The following MYO6 variants were observed in gnomAD, a reference collection of about 807,000 sequenced individuals.
MYO6 encodes the protein unconventional myosin-VI.
A neutral mutation model predicts 178.7 loss-of-function variants in MYO6; 74 were observed. The observed-to-expected ratio is 0.41, with a 90% CI of 0.34 to 0.50. The LOEUF (loss-of-function observed/expected upper bound fraction) is 0.50, where lower values mean the gene tolerates loss of function less well. MYO6 is among the 20% of genes least tolerant of loss of function. MYO6 has a pLI of 0.09. For missense variants in MYO6, 1,330 were observed against 1,547.4 expected (o/e 0.86, Z 2.36); for synonymous variants, 477 against 504.6 (o/e 0.95, Z 0.73).
chr6:75,918,416 T>C lies in MYO6; in HGVS notation c.*3404T>C, dbSNP rs1582033958. On this transcript the variant is annotated 3_prime_UTR_variant, in exon 35 of 35. Transcript: ENST00000369977. ...CCAGTTTGGAAACACTGATACATTTTAGGACACAGAGCACTCCTAGATCTC... is the reference window on the plus strand; with the variant it reads ...CCAGTTTGGAAACACTGATACATTTCAGGACACAGAGCACTCCTAGATCTC... 7 of 152,230 alleles carry C rather than the reference T, an allele frequency of 4.6e-5. No individual in the cohort carries two copies. The highest frequency in any genetic ancestry group is 4.6e-4 in the Admixed American group (7 of 15,284). 9.4% of individuals were successfully genotyped at this position (152,230 alleles called of 1,614,324 possible).
intron 1 of MYO6, among the ~76,000 whole-genome samples, chr6:75,787,722 CTCTCTCTCTATATATATATATATATATA>C (rs1767774188): frequency 6.9e-5 from 2 of 29,104 alleles, no homozygotes; most frequent in South Asian, 1.4e-3. Flanking sequence ...CTCTCTCTCT[CTCTCTCTCTATATATATATATATATATA>C]TATATATATA....
chr6:75,868,884 CAT>C (rs1225932796), intron 18 of MYO6, among the ~76,000 whole-genome samples: 6 of 151,956 alleles, frequency 3.9e-5, no homozygotes, highest in Non-Finnish European at 8.8e-5. Flanking sequence ...TTGATGGAAA[CAT>C]AATTCTATTA....
At chr6:75,872,369 T>A (rs916210402) in intron 19 of MYO6, among the ~76,000 whole-genome samples, 3 of 152,224 alleles carry the variant, frequency 2.0e-5, no homozygotes, top group African/African-American at 7.2e-5. Flanking sequence ...TTAAAAAATA[T>A]TGTTTGACAA....
intron 11 of MYO6, 88 bp from the exon 12 acceptor site, chr6:75,855,050 TG>T: frequency 8.3e-7 from 1 of 1,203,022 alleles, no homozygotes; most frequent in Non-Finnish European, 1.2e-6. Context: ...TATGGTTTTT[TG>T]TAAGTGAAGT....
intron 16 of MYO6, among the ~76,000 whole-genome samples, chr6:75,863,132 G>A (rs1416172313): frequency 6.6e-6 from 1 of 152,090 alleles, no homozygotes; most frequent in Non-Finnish European, 1.5e-5. Context: ...TGTCTTCATG[G>A]TCTCCCTTCT....
intron 1 of MYO6, chr6:75,767,925 T>A (rs2150010135): frequency 6.6e-6 from 1 of 152,316 alleles, no homozygotes; most frequent in African/African-American, 2.4e-5. Flanking sequence ...TCACCATTTT[T>A]AAAAATAATG....
chr6:75,915,197 C>T lies in MYO6; in HGVS notation c.*185C>T. 1 of 635,222 alleles carries T rather than the reference C, an allele frequency of 1.6e-6. No homozygotes were observed. Among genetic ancestry groups the T allele is most frequent in the Non-Finnish European group, 2.7e-6 (1 of 365,696 alleles). 39.3% of individuals were successfully genotyped at this position (635,222 alleles called of 1,614,324 possible). The stretch of plus-strand genomic sequence containing the variant: ...TATGGTAGCAAATTTTGGACCTAAA[C>T]ATTATTTTTCTGTATCCCGCTGTAA... On this transcript the variant is annotated 3_prime_UTR_variant, in exon 35 of 35. Transcript: ENST00000369977.
intron 1 of MYO6, among the ~76,000 whole-genome samples, chr6:75,779,744 G>C (rs1011472441): frequency 1.3e-5 from 2 of 152,138 alleles, no homozygotes; most frequent in African/African-American, 2.4e-5. Context: ...GTCATTTCAT[G>C]TGGTAATTAT....
At chr6:75,842,620 A>C (rs867507955) in intron 9 of MYO6, among the ~76,000 whole-genome samples, 17 of 152,316 alleles carry the variant, frequency 1.1e-4, no homozygotes, top group Middle Eastern at 3.4e-3. Context: ...TCTTTTCTAG[A>C]GCTCTCCAAA....
At chr6:75,768,441 T>C (rs1458885864) in intron 1 of MYO6, among the ~76,000 whole-genome samples, 1 of 151,602 alleles carries the variant, frequency 6.6e-6, no homozygotes, top group Non-Finnish European at 1.5e-5. Flanking sequence ...AGTGCAGTGG[T>C]GTGATCTCGG....
At chr6:75,912,328 A>G (rs1275958556) in intron 33 of MYO6, among the ~76,000 whole-genome samples, 2 of 152,030 alleles carry the variant, frequency 1.3e-5, no homozygotes, top group Non-Finnish European at 2.9e-5. Context: ...AACTGGTTGG[A>G]CCTGATGTTT....
intron 32 of MYO6, among the ~76,000 whole-genome samples, chr6:75,910,824 T>G (rs1305052953): frequency 6.6e-6 from 1 of 152,136 alleles, no homozygotes; most frequent in Non-Finnish European, 1.5e-5. Context: ...TTAAATGATT[T>G]CCTAATGTGG....
At chr6:75,779,479 G>C (rs1035819747) in intron 1 of MYO6, among the ~76,000 whole-genome samples, 2 of 151,846 alleles carry the variant, frequency 1.3e-5, no homozygotes, top group Admixed American at 6.6e-5. Context: ...TCCAGCCTGG[G>C]TGACAGAGTG....
At chr6:75,791,180 A>T (rs1324962586) in intron 1 of MYO6, among the ~76,000 whole-genome samples, 3 of 152,068 alleles carry the variant, frequency 2.0e-5, no homozygotes, top group African/African-American at 7.2e-5. Flanking sequence ...TGATCCACCC[A>T]CCTTGGCCTC....
chr6:75,893,252 C>T (rs983390566), intron 28 of MYO6, among the ~76,000 whole-genome samples: 1 of 151,940 alleles, frequency 6.6e-6, no homozygotes, highest in Non-Finnish European at 1.5e-5. Flanking sequence ...CTAAGCACTC[C>T]ACTATAGTGG....
intron 1 of MYO6, among the ~76,000 whole-genome samples, chr6:75,802,811 A>G (rs936100882): frequency 5.9e-5 from 9 of 152,260 alleles, no homozygotes; most frequent in African/African-American, 2.2e-4. Flanking sequence ...ACCTAGCACA[A>G]ATTACAGAAC....
rs556661818 is a variant in MYO6 at position 75,915,899 on chromosome 6, A to G, written c.*887A>G. On this transcript the variant is annotated 3_prime_UTR_variant, in exon 35 of 35. Coordinates refer to ENST00000369977, the MANE Select transcript of MYO6 (RefSeq NM_004999.4). The stretch of plus-strand genomic sequence containing the variant: ...ATCAGAATCTTGTCCAAGTTGTTTC[A>G]TTGATTTAGTAAGTGTTCTGCTTCC... 2 of 152,676 alleles carry G rather than the reference A, an allele frequency of 1.3e-5. No homozygotes were observed. The highest frequency in any genetic ancestry group is 4.1e-4 in the South Asian group (2 of 4,820). The allele number at this position is 152,676 out of a possible 1,614,324, so 9.5% of individuals were successfully genotyped here.
At chr6:75,850,417 A>G (rs1010150256) in intron 11 of MYO6, among the ~76,000 whole-genome samples, 1 of 152,236 alleles carries the variant, frequency 6.6e-6, no homozygotes, top group African/African-American at 2.4e-5. Flanking sequence ...CTGTGTTGAA[A>G]TGATGCATGT....
intron 1 of MYO6, among the ~76,000 whole-genome samples, chr6:75,815,744 C>G (rs1771172621): frequency 6.6e-6 from 1 of 152,182 alleles, no homozygotes; most frequent in South Asian, 2.1e-4. Context: ...GAACTGTATG[C>G]CAAACGTCCT....
Sources: gnomAD v4.1 joint callset for allele counts (sites outside exome capture counted in the v4.1 genomes callset) on GRCh38, gnomAD v4.1.1 for gene constraint, MANE v1.5 for transcripts, NCBI Gene and HGNC (gene_info 2026-07-23, HGNC 2026-07-21) for gene names.